The following LYSMD2 variants were observed in gnomAD, a reference collection of about 807,000 sequenced individuals.
LYSMD2 encodes LysM domain containing 2, also known as lysM and putative peptidoglycan-binding domain-containing protein 2.
In LYSMD2, 6 loss-of-function variants were observed where a neutral mutation model predicts 17.7. The observed-to-expected ratio is 0.34, with a 90% CI of 0.19 to 0.67. The LOEUF (loss-of-function observed/expected upper bound fraction) is 0.67. Among genes scored for constraint, LYSMD2 ranks in the 30% least tolerant of loss-of-function variants. The pLI, the probability that LYSMD2 is intolerant of heterozygous loss-of-function variation, is 0.69. For missense variants in LYSMD2, 237 were observed against 286.7 expected, an observed-to-expected ratio of 0.83 and a Z score of 1.25; for synonymous variants, 102 against 129.8, an observed-to-expected ratio of 0.79 and a Z score of 1.45.
At chr15:51,733,840 C>G (rs1164276363) in intron 1 of LYSMD2, among the ~76,000 whole-genome samples, 1 of 152,002 alleles carries the variant, frequency 6.6e-6, no homozygotes, top group African/African-American at 2.4e-5. Flanking sequence ...TGCAAGAACC[C>G]CAAGGAAGAA....
At chr15:51,730,670 T>C (rs1224312004) in intron 1 of LYSMD2, among the ~76,000 whole-genome samples, 3 of 152,198 alleles carry the variant, frequency 2.0e-5, no homozygotes, top group Non-Finnish European at 2.9e-5. Flanking sequence ...ACCTACCTAA[T>C]AGTGAATGCA....
chr15:51,739,290 C>T (rs1265405147), upstream of LYSMD2, among the ~76,000 whole-genome samples: 1 of 152,102 alleles, frequency 6.6e-6, no homozygotes, highest in Non-Finnish European at 1.5e-5. Context: ...GGAGGCATAA[C>T]TGGGTCTTAC....
intron 1 of LYSMD2, among the ~76,000 whole-genome samples, chr15:51,736,400 A>G (rs2055608864): frequency 6.6e-6 from 1 of 152,222 alleles, no homozygotes; most frequent in Non-Finnish European, 1.5e-5. Flanking sequence ...AAAATATTTC[A>G]AAGATAGAAG....
Position 51,725,106 on chromosome 15 carries a change from T to C in LYSMD2, c.289A>G (p.Arg97Gly), listed in dbSNP as rs777167621. 5 of 1,594,122 alleles carry C rather than the reference T, an allele frequency of 3.1e-6. No individual in the cohort carries two copies. The South Asian group carries it at 5.6e-5, about 18-fold the overall frequency. ...KYGVTMEQIK[R>G]ANKLFTNDCI... ...TCATTGGTAAACAGTTTATTGGCCC[T>C]TTTAATCTGTTCCATCTAAAATATA... The change falls in exon 2 of 3, where the codon AGG becomes GGG. Residue 97 changes from arginine to glycine, a missense_variant. By Grantham distance (125) the Arg-to-Gly change is moderately radical. Coordinates refer to ENST00000267838, the MANE Select transcript of LYSMD2 (RefSeq NM_153374.3).
Position 51,737,257 on chromosome 15 carries a change from C to CCCCCTG in LYSMD2, c.273+92_273+93insCAGGGG. 3.0e-6 allele frequency: 1 copy of CCCCCTG among 335,084 alleles called. No individual in the cohort carries two copies. Among genetic ancestry groups the CCCCCTG allele is most frequent in the Non-Finnish European group, 4.8e-6 (1 of 209,138 alleles). 20.8% of individuals were successfully genotyped at this position (335,084 alleles called of 1,614,324 possible). A position where few individuals can be genotyped will look rare whatever the true frequency, so the allele number is the denominator to read the frequency against. On this transcript the variant is annotated intron_variant, in intron 1 of 2. Transcript: ENST00000267838. This position sits in a 1 kb window ranked among gnomAD's most constrained non-coding sequence, Gnocchi z 4.2. ...ACTCCCCATCCCCCAAACCCCCACC[C>CCCCCTG]GCAGTCCCACCCCCACCCCCACCGC... is the stretch of plus-strand genomic sequence containing the variant.
upstream of LYSMD2, among the ~76,000 whole-genome samples, chr15:51,740,165 G>C (rs866192706): frequency 1.1e-4 from 17 of 152,048 alleles, no homozygotes; most frequent in African/African-American, 3.9e-4. Flanking sequence ...CATCATGTTG[G>C]CCAGGCTTCT....
At chr15:51,742,434 G>A (rs1467797943), upstream of LYSMD2, among the ~76,000 whole-genome samples, 5 of 152,144 alleles carry the variant, frequency 3.3e-5, no homozygotes, top group African/African-American at 1.2e-4. Context: ...ATAAGTGGAA[G>A]CATACAATAT....
intron 1 of LYSMD2, among the ~76,000 whole-genome samples, chr15:51,749,837 G>T (rs1412736082): frequency 6.6e-6 from 1 of 152,158 alleles, no homozygotes; most frequent in African/African-American, 2.4e-5. Context: ...AGGAAAACTT[G>T]GGAACATGAC....
chr15:51,728,380 T>C (rs774428811), intron 1 of LYSMD2, among the ~76,000 whole-genome samples: 23 of 145,778 alleles, frequency 1.6e-4, no homozygotes, highest in Non-Finnish European at 3.1e-4. Flanking sequence ...GATCACAACA[T>C]TGTACTCCAG....
Position 51,737,349 on chromosome 15 carries a change from C to G in LYSMD2, c.273+1G>C, listed in dbSNP as rs2055617138. The G allele has an allele frequency of 1.7e-5, 25 of 1,433,464 alleles. No homozygotes were observed. The highest frequency in any genetic ancestry group is 2.1e-5 in the Non-Finnish European group (23 of 1,096,554). The allele number at this position is 1,433,464 out of a possible 1,614,324, so 88.8% of individuals were successfully genotyped here. On this transcript the variant is annotated splice_donor_variant, in intron 1 of 2. Coordinates refer to ENST00000267838, the MANE Select transcript of LYSMD2 (RefSeq NM_153374.3). LOFTEE classifies it high-confidence loss of function. The surrounding 1 kb of genome is among the most constrained non-coding windows in gnomAD (Gnocchi z 4.2). ...GGGCCGCGGCGGCGCGCCCTGCTCA[C>G]CGTGACACCGTACTTGAGCGCGATG...
intron 1 of LYSMD2, among the ~76,000 whole-genome samples, chr15:51,729,804 T>C (rs975761311): frequency 2.6e-5 from 4 of 152,380 alleles, no homozygotes; most frequent in Middle Eastern, 3.4e-3. Context: ...CTGGGTCTAC[T>C]GTTCTGGCAA....
Position 51,725,018 on chromosome 15 carries a change from T to G in LYSMD2, c.377A>C (p.Asn126Thr), listed in dbSNP as rs781136751. ...TGGAGAATCAATGGAGTTAAGTCCA[T>G]TAAACAACAAAGGCTTCTCTGATAT... is the stretch of plus-strand genomic sequence containing the variant. Reference protein sequence around the residue: ...PVISEKPLLFNGLNSIDSPEN... With the variant: ...PVISEKPLLFTGLNSIDSPEN... Residue 126 changes from asparagine (N) to threonine (T), a missense_variant, in exon 2 of 3, where the codon AAT becomes ACT. Physicochemically the swap from Asn to Thr is moderately conservative, Grantham distance 65. Transcript: ENST00000267838. 6.2e-7 allele frequency: 1 copy of G among 1,613,998 alleles called. No individual in the cohort carries two copies. The highest frequency in any genetic ancestry group is 1.7e-5 in the Admixed American group (1 of 60,020).
chr15:51,751,421 C>T (rs1664029749), exon 1 of LYSMD2: 1 of 698,006 alleles, frequency 1.4e-6, no homozygotes, highest in Non-Finnish European at 2.6e-6. Context: ...CAGGTGCTTC[C>T]TCCCCTGCAG....
chr15:51,750,930 A>G (rs1339688439), intron 1 of LYSMD2, among the ~76,000 whole-genome samples: 1 of 152,196 alleles, frequency 6.6e-6, no homozygotes, highest in Non-Finnish European at 1.5e-5. Context: ...TTCCCGGCCC[A>G]AGAACTCCCT....
At chr15:51,734,945 TG>T (rs977204996) in intron 1 of LYSMD2, among the ~76,000 whole-genome samples, 3 of 152,120 alleles carry the variant, frequency 2.0e-5, no homozygotes, top group African/African-American at 7.2e-5. Flanking sequence ...GAGGCTGAGG[TG>T]GGTGGATTGC....
chr15:51,730,804 G>T (rs921788674), intron 1 of LYSMD2, among the ~76,000 whole-genome samples: 1 of 151,960 alleles, frequency 6.6e-6, no homozygotes, highest in East Asian at 1.9e-4. Context: ...TCTCATATAC[G>T]CACACAGCTC....
At chr15:51,733,436 G>A (rs1287248329) in intron 1 of LYSMD2, among the ~76,000 whole-genome samples, 1 of 151,586 alleles carries the variant, frequency 6.6e-6, no homozygotes, top group Non-Finnish European at 1.5e-5. Context: ...CTGAGGGAAA[G>A]AAAAAAAATT....
At chr15:51,739,351 T>A (rs188430721), upstream of LYSMD2, among the ~76,000 whole-genome samples, 31 of 151,706 alleles carry the variant, frequency 2.0e-4, no homozygotes, top group Middle Eastern at 3.4e-3. Context: ...AAAAAAAAAA[T>A]AAATACATAA....
upstream of LYSMD2, among the ~76,000 whole-genome samples, chr15:51,741,978 C>G (rs1247159875): frequency 6.7e-6 from 1 of 149,898 alleles, no homozygotes; most frequent in Non-Finnish European, 1.5e-5. Context: ...TATATATTCA[C>G]AATGTTATGC....
Sources: allele counts gnomAD v4.1 joint callset (sites outside exome capture counted in the v4.1 genomes callset), GRCh38; gene constraint gnomAD v4.1.1; non-coding constraint Gnocchi (gnomAD v3.1); transcripts MANE v1.5; gene names NCBI Gene and HGNC (gene_info 2026-07-23, HGNC 2026-07-21).